CCDC88C: variants seen among roughly 807,000 people sequenced by gnomAD.
CCDC88C encodes coiled-coil and HOOK domain protein 88C.
CCDC88C carries 131 observed loss-of-function variants against 198.8 expected under a neutral mutation model. That is an observed-to-expected ratio of 0.66 (90% CI 0.57 to 0.76). The LOEUF (loss-of-function observed/expected upper bound fraction) is 0.76, where lower values mean the gene tolerates loss of function less well. CCDC88C is among the 30% of genes least tolerant of loss of function. CCDC88C has a pLI of 0.00. For missense variants in CCDC88C, 2,553 were observed against 2,631.6 expected, an observed-to-expected ratio of 0.97 and a Z score of 0.65; for synonymous variants, 1,166 against 1,114.7, an observed-to-expected ratio of 1.05 and a Z score of -0.92.
intron 2 of CCDC88C, among the ~76,000 whole-genome samples, chr14:91,413,090 T>C (rs900242640): frequency 1.3e-5 from 2 of 152,200 alleles, no homozygotes; most frequent in African/African-American, 2.4e-5. Context: ...TGAACAAATA[T>C]GGTTGAACTT....
chr14:91,358,938 G>A (rs1471417077), intron 4 of CCDC88C, among the ~76,000 whole-genome samples: 1 of 152,138 alleles, frequency 6.6e-6, no homozygotes, highest in Admixed American at 6.5e-5. Flanking sequence ...GAACCTCGCA[G>A]GACCCCAGTG....
intron 3 of CCDC88C, among the ~76,000 whole-genome samples, chr14:91,397,945 T>C (rs896287856): frequency 2.6e-5 from 4 of 152,238 alleles, no homozygotes; most frequent in East Asian, 1.9e-4. Flanking sequence ...TGAAGAAAAC[T>C]TGCAGCTTTC....
Position 91,309,999 on chromosome 14 carries a change from GGA to G in CCDC88C, c.2737-15_2737-14del. ...CGAGCACCAGGTCCTGGAATGATGGGGAGAGAGCACTGGATAGGAGCTCAGCA... is the reference window on the plus strand; with the variant it reads ...CGAGCACCAGGTCCTGGAATGATGGGGAGAGCACTGGATAGGAGCTCAGCA... On this transcript the variant is annotated splice_polypyrimidine_tract_variant and intron_variant, in intron 15 of 29. Transcript: ENST00000389857. The G allele has an allele frequency of 6.3e-7, 1 of 1,582,700 alleles. No individual in the cohort carries two copies. Among genetic ancestry groups the G allele is most frequent in the Non-Finnish European group, 8.6e-7 (1 of 1,163,836 alleles).
chr14:91,292,037 G>A (rs1254042049), intron 23 of CCDC88C, among the ~76,000 whole-genome samples: 3 of 152,124 alleles, frequency 2.0e-5, no homozygotes, highest in East Asian at 1.9e-4. Flanking sequence ...TGGTTTCCTC[G>A]TCTGAAAACG....
chr14:91,363,063 C>T (rs938181258), intron 3 of CCDC88C, among the ~76,000 whole-genome samples: 2 of 152,166 alleles, frequency 1.3e-5, no homozygotes, highest in African/African-American at 2.4e-5. Flanking sequence ...AACTGGTCCC[C>T]TTAAAGAACC....
In CCDC88C at chr14:91,352,154, G is replaced by A. The variant is rs532373963; in HGVS notation, c.340+7488C>T. On this transcript the variant is annotated intron_variant, in intron 4 of 29. Transcript: ENST00000389857. The surrounding 1 kb of genome is among the most constrained non-coding windows in gnomAD (Gnocchi z 4.2). ...ACAAATAGCATCTCTTCCCTCCTCC[G>A]CAGACGGCGGTGGCCACAGAGAGTA... is the stretch of plus-strand genomic sequence containing the variant. Among the ~76,000 whole-genome samples, 211 of 152,342 alleles carry A rather than the reference G, an allele frequency of 1.4e-3. 1 individual carries two copies. The South Asian group carries it at 0.019, about 14-fold the overall frequency.
intron 13 of CCDC88C, among the ~76,000 whole-genome samples, chr14:91,318,926 A>G (rs1892229363): frequency 6.6e-6 from 1 of 150,736 alleles, no homozygotes; most frequent in East Asian, 1.9e-4. Flanking sequence ...CCAAAAAAAA[A>G]AAAAAAAAAA....
intron 3 of CCDC88C, among the ~76,000 whole-genome samples, chr14:91,390,281 G>C (rs1039173237): frequency 2.0e-5 from 3 of 152,056 alleles, no homozygotes; most frequent in Non-Finnish European, 2.9e-5. Context: ...ACAGATTTAA[G>C]CACGGCGTCT....
chr14:91,308,490 T>A lies in CCDC88C; in HGVS notation c.2867A>T (p.Lys956Ile). The change falls in exon 17 of 30, where the codon AAA (lysine) becomes ATA (isoleucine). Residue 956 changes from lysine (K) to isoleucine (I), a missense_variant and splice_region_variant. Lys to Ile is a moderately radical substitution (Grantham distance 102, BLOSUM62 -3). Around this residue, in one of 2 missense-constraint regions of CCDC88C, gnomAD observed 1,260 missense variants for 1,412.0 expected, o/e 0.89. Coordinates refer to ENST00000389857, the MANE Select transcript of CCDC88C (RefSeq NM_001080414.4). ...ATTTCTGCCCTCCAAAATCTTGTAT[T>A]TTCTGGAAAACACAAAGATACAATA... ...LQEDDSGSDTKYKILEGRNES... is the reference protein window; with the variant it reads ...LQEDDSGSDTIYKILEGRNES... 1 of 1,613,782 alleles carries A rather than the reference T, an allele frequency of 6.2e-7. No homozygotes were observed. The highest frequency in any genetic ancestry group is 8.5e-7 in the Non-Finnish European group (1 of 1,179,818).
chr14:91,359,839 C>G, intron 3 of CCDC88C, 128 bp from the exon 4 acceptor site: 1 of 776,506 alleles, frequency 1.3e-6, no homozygotes, highest in Non-Finnish European at 2.2e-6. Context: ...TACGAAGGAG[C>G]TAAAATGACA....
At chr14:91,345,362 T>G (rs1404568178) in intron 4 of CCDC88C, among the ~76,000 whole-genome samples, 1 of 151,388 alleles carries the variant, frequency 6.6e-6, no homozygotes, top group Non-Finnish European at 1.5e-5. Context: ...TCTGCTATTT[T>G]TGAATTTTTA....
At chr14:91,416,916 AG>A (rs1887092075) in intron 1 of CCDC88C, 78 bp from the exon 2 acceptor site, 1 of 1,034,008 alleles carries the variant, frequency 9.7e-7, no homozygotes, top group East Asian at 2.5e-5. Context: ...TCCCAGGCAG[AG>A]ACTGGACGGG....
chr14:91,380,520 T>A (rs185568652), intron 3 of CCDC88C, among the ~76,000 whole-genome samples: 2 of 141,740 alleles, frequency 1.4e-5, no homozygotes, highest in Admixed American at 1.5e-4. Context: ...CTGTATACCC[T>A]CCAATTCAAC....
At chr14:91,312,494 C>A (rs1310739117) in intron 15 of CCDC88C, among the ~76,000 whole-genome samples, 2 of 152,158 alleles carry the variant, frequency 1.3e-5, no homozygotes, top group Non-Finnish European at 2.9e-5. Flanking sequence ...ACCAGCCTGG[C>A]CAACATGGTG....
chr14:91,324,876 G>C lies in CCDC88C; in HGVS notation c.1245C>G (p.Asn415Lys). 6.2e-7 allele frequency: 1 copy of C among 1,613,874 alleles called. No individual in the cohort carries two copies. The highest frequency in any genetic ancestry group is 8.5e-7 in the Non-Finnish European group (1 of 1,179,896). Residue 415 changes from asparagine to lysine, a missense_variant, in exon 12 of 30, where the codon AAC becomes AAG. Asn to Lys is a moderately conservative substitution (Grantham distance 94). This residue lies in a region of CCDC88C where 1,260 missense variants were observed against 1,412.0 expected (regional missense o/e 0.89). Transcript: ENST00000389857. ...KKRIEELLEE[N>K]MVLEIAQKQS... Reference sequence around the variant, plus strand: ...GCTTCTGTGCAATCTCAAGGACCATGTTTTCTTCCAGCAGCTCCTCAATTC... The same window carrying C: ...GCTTCTGTGCAATCTCAAGGACCATCTTTTCTTCCAGCAGCTCCTCAATTC...
At chr14:91,287,015 T>C (rs1890436898) in intron 25 of CCDC88C, among the ~76,000 whole-genome samples, 1 of 152,142 alleles carries the variant, frequency 6.6e-6, no homozygotes, top group Non-Finnish European at 1.5e-5. Flanking sequence ...CTAGTGAACA[T>C]GATCATGGTT....
In CCDC88C at chr14:91,309,981, C is replaced by G. The variant is rs767930304; in HGVS notation, c.2742G>C (p.Leu914=). ...ARTLTTLRED[L]VLEKLKSQQL... ...GCTGGCTCTTCAGCTTCTCGAGCAC[C>G]AGGTCCTGGAATGATGGGGAGAGAG... Residue 914 remains leucine (L), a synonymous_variant, in exon 16 of 30, where the codon CTG becomes CTC. Coordinates refer to ENST00000389857, the MANE Select transcript of CCDC88C (RefSeq NM_001080414.4). The G allele has an allele frequency of 1.9e-6, 3 of 1,597,466 alleles. No individual in the cohort carries two copies. The South Asian group carries it at 3.4e-5, about 18-fold the overall frequency.
intron 27 of CCDC88C, 192 bp downstream of exon 27, chr14:91,281,263 TCC>T: frequency 7.1e-7 from 1 of 1,413,676 alleles, no homozygotes; most frequent in South Asian, 1.2e-5. Flanking sequence ...GGTAGCGAAT[TCC>T]CCACCACTGG....
intron 3 of CCDC88C, among the ~76,000 whole-genome samples, chr14:91,376,648 G>A (rs1884435767): frequency 6.6e-6 from 1 of 152,238 alleles, no homozygotes; most frequent in Non-Finnish European, 1.5e-5. Context: ...CCTGGCAGCA[G>A]AGGCAGAGAG....
Sources: gnomAD v4.1 joint callset for allele counts (sites outside exome capture counted in the v4.1 genomes callset) on GRCh38, gnomAD v4.1.1 for gene constraint, gnomAD v4.1.1 regional missense constraint, Gnocchi (gnomAD v3.1) non-coding constraint, MANE v1.5 for transcripts, NCBI Gene and HGNC (gene_info 2026-07-23, HGNC 2026-07-21) for gene names.